RPS6KA6: variants seen among roughly 807,000 people sequenced by gnomAD.
The protein encoded by RPS6KA6 is ribosomal protein S6 kinase A6, also known as ribosomal protein S6 kinase alpha-6.
Under a neutral mutation model 65.4 loss-of-function variants are expected in RPS6KA6, and 27 were observed. The ratio of observed to expected loss-of-function variants is 0.41; its 90% CI spans 0.30 to 0.57. RPS6KA6 has a LOEUF of 0.57. RPS6KA6 is among the 20% of genes least tolerant of loss of function. The probability of loss-of-function intolerance (pLI) is 0.24; values close to 1 mark genes in which losing one functional copy is unlikely to be tolerated. For missense variants in RPS6KA6, 486 were observed against 555.6 expected (o/e 0.87, Z 1.26); for synonymous variants, 190 against 184.2 (o/e 1.03, Z -0.26).
chrX:84,062,617 T>C lies in RPS6KA6; in HGVS notation c.*1660A>G, dbSNP rs1462850498. On this transcript the variant is annotated 3_prime_UTR_variant, in exon 22 of 22. Transcript: ENST00000262752. ...ATCTCTTTCAATTATTTCCAAAAGA[T>C]ACCTCAAAATAAGAATACATACTTT... The C allele has an allele frequency of 1.8e-5, 2 of 111,558 alleles. No homozygotes were observed. The highest frequency in any genetic ancestry group is 4.6e-3 in the Middle Eastern group (1 of 216). The allele number at this position is 111,558 out of a possible 1,213,427, so 9.2% of individuals were successfully genotyped here.
At chrX:84,105,584 T>A (rs2034342306) in intron 16 of RPS6KA6, among the ~76,000 whole-genome samples, 1 of 111,014 alleles carries the variant, frequency 9.0e-6, no homozygotes, top group African/African-American at 3.3e-5. Context: ...TTACCAATCA[T>A]CATAGTTATT....
intron 8 of RPS6KA6, among the ~76,000 whole-genome samples, chrX:84,121,987 G>A (rs2034678365): frequency 8.9e-6 from 1 of 112,395 alleles, no homozygotes; most frequent in African/African-American, 3.2e-5. Flanking sequence ...GAGCAAGATG[G>A]CAAAATAGAA....
intron 19 of RPS6KA6, 80 bp from the exon 20 acceptor site, chrX:84,096,391 G>T: frequency 2.5e-6 from 1 of 407,303 alleles, no homozygotes; most frequent in Non-Finnish European, 4.1e-6. Flanking sequence ...TTTACTACAT[G>T]CAAATATTTA....
chrX:84,186,366 G>A (rs1216156312), intron 1 of RPS6KA6, among the ~76,000 whole-genome samples: 1 of 111,867 alleles, frequency 8.9e-6, no homozygotes, highest in Non-Finnish European at 1.9e-5. Context: ...ATATAACAAA[G>A]TTCCTCTCCC....
intron 2 of RPS6KA6, among the ~76,000 whole-genome samples, chrX:84,162,032 CAAAT>C (rs778368442): frequency 9.0e-6 from 1 of 111,212 alleles, no homozygotes; most frequent in East Asian, 2.8e-4. Flanking sequence ...ATTTTGACAA[CAAAT>C]AAAAAGTTAA....
In RPS6KA6 at chrX:84,181,583, T is replaced by C. The variant is rs746294879; in HGVS notation, c.81+6236A>G. Among the ~76,000 whole-genome samples, 7 of 111,852 alleles carry C rather than the reference T, an allele frequency of 6.3e-5. No individual in the cohort carries two copies. In the South Asian group the frequency reaches 2.6e-3, roughly 42 times the overall value. On this transcript the variant is annotated intron_variant, in intron 1 of 21. Transcript: ENST00000262752. ...TTGAATAATGACAACTACGTGACTA[T>C]TTCTTTTTTTACTTTGGCCTAGAGC...
intron 20 of RPS6KA6, among the ~76,000 whole-genome samples, chrX:84,077,094 A>G (rs2033676896): frequency 8.9e-6 from 1 of 111,847 alleles, no homozygotes. Flanking sequence ...GAGAGAAAGT[A>G]AAGACCTAAC....
At chrX:84,101,729 A>C (rs2034263119) in intron 18 of RPS6KA6, among the ~76,000 whole-genome samples, 1 of 110,758 alleles carries the variant, frequency 9.0e-6, no homozygotes, top group East Asian at 2.8e-4. Context: ...TTTAGAATAC[A>C]TAATATATTG....
intron 3 of RPS6KA6, among the ~76,000 whole-genome samples, chrX:84,149,349 G>C (rs2035257600): frequency 8.9e-6 from 1 of 111,985 alleles, no homozygotes; most frequent in South Asian, 3.6e-4. Flanking sequence ...AATCACAAAT[G>C]TTCTTAATGA....
At chrX:84,082,498 T>C (rs1462934906) in intron 20 of RPS6KA6, among the ~76,000 whole-genome samples, 1 of 111,971 alleles carries the variant, frequency 8.9e-6, no homozygotes, top group African/African-American at 3.2e-5. Flanking sequence ...GAAGAATCAA[T>C]ACCGTGAAAA....
chrX:84,086,429 G>A (rs1266138049), intron 20 of RPS6KA6, among the ~76,000 whole-genome samples: 1 of 111,808 alleles, frequency 8.9e-6, no homozygotes, highest in African/African-American at 3.2e-5. Flanking sequence ...GAGTCATTCA[G>A]GAGTAGTTTC....
At chrX:84,136,825 C>T (rs955940503) in intron 6 of RPS6KA6, among the ~76,000 whole-genome samples, 4 of 110,856 alleles carry the variant, frequency 3.6e-5, no homozygotes, top group African/African-American at 1.3e-4. Flanking sequence ...GTATTAGGAA[C>T]ACCTTGCAAA....
Position 84,064,892 on chromosome X carries a change from G to T in RPS6KA6, c.2112+79C>A, listed in dbSNP as rs779053870. On this transcript the variant is annotated intron_variant, in intron 21 of 21. Coordinates refer to ENST00000262752, the MANE Select transcript of RPS6KA6 (RefSeq NM_014496.5). ...AAAGATATTTTAAGGAATTATTTAA[G>T]TGTCATCAGCAAGTGGCACACAATG... The T allele has an allele frequency of 2.3e-4, 155 of 687,902 alleles. 1 individual carries two copies. Among genetic ancestry groups the T allele is most frequent in the Middle Eastern group, 9.6e-4 (3 of 3,137 alleles). 56.7% of individuals were successfully genotyped at this position (687,902 alleles called of 1,213,427 possible).
intron 8 of RPS6KA6, among the ~76,000 whole-genome samples, chrX:84,121,471 C>A (rs2034670243): frequency 8.9e-6 from 1 of 112,164 alleles, no homozygotes; most frequent in African/African-American, 3.2e-5. Flanking sequence ...TTTTTACTTT[C>A]TTTTCTTTTG....
At chrX:84,164,442 A>G in intron 1 of RPS6KA6, 55 bp from the exon 2 acceptor site, 1 of 852,314 alleles carries the variant, frequency 1.2e-6, no homozygotes, top group South Asian at 2.2e-5. Context: ...AAGAGTGATA[A>G]CTAAGAAAAA....
intron 8 of RPS6KA6, among the ~76,000 whole-genome samples, chrX:84,127,133 A>G (rs2034807328): frequency 9.0e-6 from 1 of 111,583 alleles, no homozygotes; most frequent in Non-Finnish European, 1.9e-5. Flanking sequence ...AATTAAAATT[A>G]GAGATGAAAA....
chrX:84,079,019 G>A (rs1041016235), intron 20 of RPS6KA6, among the ~76,000 whole-genome samples: 3 of 111,692 alleles, frequency 2.7e-5, no homozygotes, highest in Non-Finnish European at 5.6e-5. Flanking sequence ...CTTGAGGGCT[G>A]ATAAGATGGC....
At chrX:84,108,356 C>T (rs1186719593) in intron 12 of RPS6KA6, among the ~76,000 whole-genome samples, 1 of 112,097 alleles carries the variant, frequency 8.9e-6, no homozygotes, top group Non-Finnish European at 1.9e-5. Flanking sequence ...TTCATTATGG[C>T]TTACTAGAAA....
chrX:84,161,358 A>G (rs755971757), intron 2 of RPS6KA6, among the ~76,000 whole-genome samples: 1 of 111,845 alleles, frequency 8.9e-6, no homozygotes, highest in Non-Finnish European at 1.9e-5. Flanking sequence ...ATGGTGCAGC[A>G]TAACTCGACT....
Sources: allele counts gnomAD v4.1 joint callset (sites outside exome capture counted in the v4.1 genomes callset), GRCh38; gene constraint gnomAD v4.1.1; transcripts MANE v1.5; gene names NCBI Gene and HGNC (gene_info 2026-07-23, HGNC 2026-07-21).